RBFOX3: variants seen among roughly 807,000 people sequenced by gnomAD.
The protein encoded by RBFOX3 is RNA binding protein fox-1 homolog 3.
In RBFOX3, 17 loss-of-function variants were observed where a neutral mutation model predicts 48.7. The ratio of observed to expected loss-of-function variants is 0.35; its 90% confidence interval spans 0.24 to 0.52. The LOEUF (loss-of-function observed/expected upper bound fraction) is 0.52, where lower values mean the gene tolerates loss of function less well. RBFOX3 is among the 20% of genes least tolerant of loss of function. The pLI, the probability that RBFOX3 is intolerant of heterozygous loss-of-function variation, is 0.94. For synonymous variants in RBFOX3, 212 were observed against 209.5 expected (o/e 1.01, Z -0.10); for missense variants, 382 against 497.5 (o/e 0.77, Z 2.21).
rs2080748496 is a variant in RBFOX3, at chr17:79,491,992, C to T, written c.-319-9394G>A. Among the ~76,000 whole-genome samples the T allele has an allele frequency of 2.6e-5, 4 of 152,276 alleles. No homozygotes were observed. In the South Asian group the frequency reaches 8.3e-4, roughly 32 times the overall value. On this transcript the variant is annotated intron_variant, in intron 1 of 14. Transcript: ENST00000693108. ...AGCTACTCGAGAGGCAGGAGAATTGCATGAACCTGGGAGGTGGAAATTGCG... is the reference window on the plus strand; with the variant it reads ...AGCTACTCGAGAGGCAGGAGAATTGTATGAACCTGGGAGGTGGAAATTGCG...
chr17:79,617,134 T>A, the RBFOX3 span, among the ~76,000 whole-genome samples: 1 of 152,206 alleles, frequency 6.6e-6, no homozygotes, highest in Non-Finnish European at 1.5e-5. Context: ...GAGCCTTCAG[T>A]GGGAGCAGCT....
chr17:79,549,947 AAAACGTGGAC>A (rs1469834069), intron 1 of RBFOX3, among the ~76,000 whole-genome samples: 1 of 152,220 alleles, frequency 6.6e-6, no homozygotes, highest in Non-Finnish European at 1.5e-5. Context: ...ACACCAAAAA[AAAACGTGGAC>A]AGCTAACTTG....
intron 2 of RBFOX3, among the ~76,000 whole-genome samples, chr17:79,328,295 C>A (rs963377590): frequency 6.6e-6 from 1 of 152,174 alleles, no homozygotes; most frequent in Non-Finnish European, 1.5e-5. Context: ...GCAGAACTGG[C>A]CACTTTCTGC....
intron 2 of RBFOX3, among the ~76,000 whole-genome samples, chr17:79,383,036 AC>A (rs2060124915): frequency 2.7e-5 from 2 of 74,676 alleles, no homozygotes; most frequent in Non-Finnish European, 6.7e-5. Context: ...TCTCAAACAC[AC>A]ACACACACAC....
intron 2 of RBFOX3, among the ~76,000 whole-genome samples, chr17:79,413,252 G>C (rs2064763797): frequency 6.6e-6 from 1 of 152,234 alleles, no homozygotes; most frequent in African/African-American, 2.4e-5. Context: ...TGCCAGCCAA[G>C]AAACTGCTCT....
chr17:79,230,443 T>C (rs957423550), intron 4 of RBFOX3, among the ~76,000 whole-genome samples: 2 of 151,664 alleles, frequency 1.3e-5, no homozygotes, highest in Non-Finnish European at 2.9e-5. Flanking sequence ...GTATTTTTAG[T>C]AGAGATGGGG....
intron 4 of RBFOX3, among the ~76,000 whole-genome samples, chr17:79,167,651 C>T (rs929389271): frequency 2.0e-5 from 3 of 152,320 alleles, no homozygotes; most frequent in East Asian, 1.9e-4. Context: ...TGCCTGCCCC[C>T]GCAGAGGAAG....
chr17:79,251,426 G>A (rs2063942067), intron 3 of RBFOX3, among the ~76,000 whole-genome samples: 1 of 152,102 alleles, frequency 6.6e-6, no homozygotes, highest in Non-Finnish European at 1.5e-5. Flanking sequence ...CACTGAAATT[G>A]ATCCAGCACC....
chr17:79,181,826 C>G (rs1261853169), intron 4 of RBFOX3, among the ~76,000 whole-genome samples: 1 of 152,136 alleles, frequency 6.6e-6, no homozygotes, highest in Non-Finnish European at 1.5e-5. Flanking sequence ...CTCGGAAGGT[C>G]CCATCTTTGC....
intron 4 of RBFOX3, among the ~76,000 whole-genome samples, chr17:79,182,000 C>A (rs1488557833): frequency 7.4e-6 from 1 of 134,622 alleles, no homozygotes; most frequent in Non-Finnish European, 1.6e-5. Context: ...CACACACACA[C>A]AAACACACAA....
At chr17:79,250,332 GCTGT>G (rs1441967203) in intron 3 of RBFOX3, among the ~76,000 whole-genome samples, 1 of 152,188 alleles carries the variant, frequency 6.6e-6, no homozygotes, top group East Asian at 1.9e-4. Flanking sequence ...ATAGATAGTT[GCTGT>G]CTTCCCTGGG....
chr17:79,203,775 C>T (rs2146913212), intron 4 of RBFOX3, among the ~76,000 whole-genome samples: 1 of 152,210 alleles, frequency 6.6e-6, no homozygotes, highest in Non-Finnish European at 1.5e-5. Context: ...CCTTTGTCTC[C>T]TAAAGCCCAG....
At chr17:79,371,732 A>G (rs1568129000) in intron 2 of RBFOX3, among the ~76,000 whole-genome samples, 1 of 152,110 alleles carries the variant, frequency 6.6e-6, no homozygotes, top group Non-Finnish European at 1.5e-5. Context: ...CGTGTTAAAG[A>G]TGGCAGATCC....
Position 79,473,048 on chromosome 17 carries a change from A to G in RBFOX3, c.-175+9406T>C, listed in dbSNP as rs1761512618. On this transcript the variant is annotated intron_variant, in intron 2 of 14. Transcript: ENST00000693108. The surrounding 1 kb of genome is among the most constrained non-coding windows in gnomAD (Gnocchi z 4.2). ...TACTTTTGGTTTTTAGAAAACCTATAAAAATAGAATCACTAGAAAAATGGA... is the reference window on the plus strand; with the variant it reads ...TACTTTTGGTTTTTAGAAAACCTATGAAAATAGAATCACTAGAAAAATGGA... 6.6e-6 allele frequency among the ~76,000 whole-genome samples: 1 copy of G among 152,206 alleles called. No individual in the cohort carries two copies. The highest frequency in any genetic ancestry group is 1.5e-5 in the Non-Finnish European group (1 of 68,040).
intron 2 of RBFOX3, among the ~76,000 whole-genome samples, chr17:79,378,353 A>T (rs1167243720): frequency 6.6e-6 from 1 of 152,202 alleles, no homozygotes; most frequent in Non-Finnish European, 1.5e-5. Flanking sequence ...TAGCTTCATG[A>T]GGGGGATCCC....
intron 1 of RBFOX3, among the ~76,000 whole-genome samples, chr17:79,568,128 A>ACC (rs1379650800): frequency 0.016 from 2,420 of 151,886 alleles, 57 homozygotes; most frequent in African/African-American, 0.055. Flanking sequence ...CCTTTCCCTC[A>ACC]CCCCTGCCAG....
intron 9 of RBFOX3, among the ~76,000 whole-genome samples, chr17:79,100,719 T>A (rs1044960064): frequency 3.9e-5 from 6 of 152,336 alleles, no homozygotes; most frequent in African/African-American, 1.4e-4. Flanking sequence ...CTGGCAGGAA[T>A]GAGCGGAGGC....
intron 3 of RBFOX3, among the ~76,000 whole-genome samples, chr17:79,285,537 C>T (rs756253092): frequency 1.3e-5 from 2 of 152,186 alleles, no homozygotes; most frequent in African/African-American, 2.4e-5. Flanking sequence ...GATCTGTAAA[C>T]CAATATTGAA....
chr17:79,311,434 CA>C lies in RBFOX3; in HGVS notation c.-174-3611del, dbSNP rs35265527. 0.42 allele frequency among the ~76,000 whole-genome samples: 42,652 copies of C among 102,528 alleles called. 7,678 individuals are homozygous for C. Among genetic ancestry groups the C allele is most frequent in the South Asian group, 0.55 (1,457 of 2,632 alleles). The allele number at this position is 102,528 out of a possible 152,430, so 67.3% of individuals were successfully genotyped here. Reference sequence around the variant, plus strand: ...GGTAAGAAGAGCGAGACTCCATCTCCAAAAAAAAAAAAAAAAAAAACAGACT... The same window carrying C: ...GGTAAGAAGAGCGAGACTCCATCTCCAAAAAAAAAAAAAAAAAAACAGACT... On this transcript the variant is annotated intron_variant, in intron 2 of 14. Coordinates refer to ENST00000693108, the MANE Select transcript of RBFOX3 (RefSeq NM_001350451.2). This position sits in a 1 kb window ranked among gnomAD's most constrained non-coding sequence, Gnocchi z 4.2.
Sources: gnomAD v4.1 joint callset for allele counts (sites outside exome capture counted in the v4.1 genomes callset) on GRCh38, gnomAD v4.1.1 for gene constraint, Gnocchi (gnomAD v3.1) non-coding constraint, MANE v1.5 for transcripts, NCBI Gene and HGNC (gene_info 2026-07-23, HGNC 2026-07-21) for gene names.